Variants in EEA1 observed in about 807,000 individuals in gnomAD.
EEA1 encodes early endosome antigen 1, 162kD.
A neutral mutation model predicts 209.2 loss-of-function variants in EEA1; 111 were observed. The ratio of observed to expected loss-of-function variants is 0.53; its 90% CI spans 0.45 to 0.62. The LOEUF (loss-of-function observed/expected upper bound fraction) is 0.62. Ranked by LOEUF, EEA1 falls within the 20% of genes least tolerant of loss-of-function variation. The probability of loss-of-function intolerance (pLI) is 0.00; values close to 1 mark genes in which losing one functional copy is unlikely to be tolerated. For missense variants in EEA1, 1,343 were observed against 1,530.8 expected, an observed-to-expected ratio of 0.88 and a Z score of 2.05; for synonymous variants, 536 against 540.6, an observed-to-expected ratio of 0.99 and a Z score of 0.12.
At chr12:92,832,394 A>G in intron 11 of EEA1, 118 bp downstream of exon 11, 1 of 964,852 alleles carries the variant, frequency 1.0e-6, no homozygotes, top group African/African-American at 1.7e-5. Flanking sequence ...GTTAAGAGTT[A>G]ATCTTTTAAA....
intron 1 of EEA1, among the ~76,000 whole-genome samples, chr12:92,903,368 C>A (rs889651991): frequency 1.3e-5 from 2 of 151,928 alleles, no homozygotes; most frequent in East Asian, 3.9e-4. Context: ...GAGGCTGAGG[C>A]AGGCAGATCA....
At chr12:92,916,498 C>T (rs1160427340) in intron 1 of EEA1, among the ~76,000 whole-genome samples, 2 of 149,862 alleles carry the variant, frequency 1.3e-5, no homozygotes, top group Non-Finnish European at 3.0e-5. Context: ...ACTAAAAATA[C>T]AAAAATTAGC....
chr12:92,781,182 T>C (rs562182199), intron 23 of EEA1, among the ~76,000 whole-genome samples: 1 of 152,256 alleles, frequency 6.6e-6, no homozygotes, highest in African/African-American at 2.4e-5. Flanking sequence ...AGTGCTGAGA[T>C]AACAGGCATG....
intron 2 of EEA1, among the ~76,000 whole-genome samples, chr12:92,871,235 C>T (rs867148857): frequency 6.6e-6 from 1 of 152,112 alleles, no homozygotes; most frequent in Non-Finnish European, 1.5e-5. Flanking sequence ...AGAGAAACCA[C>T]GCAGACTTCC....
rs1207516307 is a variant in EEA1 at position 92,852,933 on chromosome 12, G to T, written c.499C>A (p.Gln167Lys). ...MKDLFEQKAA[Q>K]LATEIADIKS... ...TTACCTGCAATTTCAGTAGCAAGTTGGGCTGCTTTCTGTTCAAATAAGTCT... is the reference window on the plus strand; with the variant it reads ...TTACCTGCAATTTCAGTAGCAAGTTTGGCTGCTTTCTGTTCAAATAAGTCT... Residue 167 changes from glutamine to lysine, a missense_variant, in exon 7 of 29, where the codon CAA becomes AAA. Physicochemically the swap from Gln to Lys is moderately conservative, Grantham distance 53 (BLOSUM62 1). This residue lies in a region of EEA1 where 1,307 missense variants were observed against 1,465.5 expected (regional missense o/e 0.89). Coordinates refer to ENST00000322349, the MANE Select transcript of EEA1 (RefSeq NM_003566.4). The T allele has an allele frequency of 2.5e-6, 4 of 1,609,950 alleles. No individual in the cohort carries two copies. The highest frequency in any genetic ancestry group is 3.4e-6 in the Non-Finnish European group (4 of 1,178,588).
At chr12:92,822,130 G>A (rs1401839328) in intron 13 of EEA1, among the ~76,000 whole-genome samples, 2 of 151,214 alleles carry the variant, frequency 1.3e-5, no homozygotes, top group Non-Finnish European at 2.9e-5. Flanking sequence ...CATTGTATCC[G>A]TTACCTCGTA....
chr12:92,853,678 A>G lies in EEA1; in HGVS notation c.406+237T>C, dbSNP rs538057016. 2.0e-5 allele frequency among the ~76,000 whole-genome samples: 3 copies of G among 152,298 alleles called. No homozygotes were observed. In the East Asian group the frequency reaches 5.8e-4, roughly 29 times the overall value. On this transcript the variant is annotated intron_variant, in intron 6 of 28. Transcript: ENST00000322349. ...AACCATATTAATGTAATATTCCAGA[A>G]GTTTCTTACTTCAAAATATAATGAA...
At chr12:92,846,953 AT>A (rs1478456199) in intron 9 of EEA1, among the ~76,000 whole-genome samples, 1 of 151,766 alleles carries the variant, frequency 6.6e-6, no homozygotes, top group East Asian at 1.9e-4. Flanking sequence ...TGAGATTTTA[AT>A]TTTTTTTCTT....
intron 9 of EEA1, among the ~76,000 whole-genome samples, 155 bp downstream of exon 9, chr12:92,850,956 C>T (rs1312342108): frequency 1.3e-5 from 2 of 152,070 alleles, no homozygotes; most frequent in Admixed American, 6.6e-5. Context: ...TGAGAGACCA[C>T]ATTGACTATA....
chr12:92,921,866 C>CAAAAA (rs756583756), intron 1 of EEA1, among the ~76,000 whole-genome samples: 6 of 83,446 alleles, frequency 7.2e-5, no homozygotes, highest in Non-Finnish European at 6.6e-5. Context: ...GACTCTGTCT[C>CAAAAA]AAAAAAAAAA....
intron 11 of EEA1, among the ~76,000 whole-genome samples, chr12:92,831,838 C>T (rs1311406801): frequency 6.6e-6 from 1 of 151,302 alleles, no homozygotes; most frequent in Non-Finnish European, 1.5e-5. Context: ...GTAATCCCAG[C>T]ACTTTGGGAG....
chr12:92,869,744 T>A, intron 2 of EEA1, among the ~76,000 whole-genome samples: 1 of 95,080 alleles, frequency 1.1e-5, no homozygotes, highest in African/African-American at 4.3e-5. Context: ...CACAGTGAGA[T>A]TCTGCCTCAA....
At chr12:92,811,532 A>T in intron 16 of EEA1, 98 bp from the exon 17 acceptor site, 1 of 819,502 alleles carries the variant, frequency 1.2e-6, no homozygotes, top group South Asian at 4.0e-5. Flanking sequence ...TTTTATTTAA[A>T]AAAATATTTG....
At chr12:92,903,020 C>T (rs1226053505) in intron 1 of EEA1, among the ~76,000 whole-genome samples, 8 of 151,278 alleles carry the variant, frequency 5.3e-5, no homozygotes, top group South Asian at 4.2e-4. Flanking sequence ...CTGCAAGCTC[C>T]GCCTCCCGGG....
intron 14 of EEA1, among the ~76,000 whole-genome samples, chr12:92,817,689 C>T (rs1875858076): frequency 6.6e-6 from 1 of 152,182 alleles, no homozygotes; most frequent in South Asian, 2.1e-4. Context: ...GTTTCTGTTT[C>T]TTCACATGTG....
intron 10 of EEA1, among the ~76,000 whole-genome samples, chr12:92,841,285 C>G (rs1171640621): frequency 6.6e-6 from 1 of 151,392 alleles, no homozygotes; most frequent in Non-Finnish European, 1.5e-5. Context: ...AAATTAGACC[C>G]TTACCTTATA....
intron 18 of EEA1, among the ~76,000 whole-genome samples, chr12:92,807,262 T>TA (rs1042118022): frequency 4.6e-5 from 7 of 151,992 alleles, no homozygotes; most frequent in African/African-American, 9.7e-5. Context: ...AATTTTTTTT[T>TA]TATATATAAC....
At chr12:92,904,060 T>G (rs1388961919) in intron 1 of EEA1, among the ~76,000 whole-genome samples, 1 of 152,040 alleles carries the variant, frequency 6.6e-6, no homozygotes, top group African/African-American at 2.4e-5. Context: ...CCTCCCGGGT[T>G]CAAGCGATTC....
chr12:92,818,455 C>T (rs1264792635), intron 14 of EEA1, among the ~76,000 whole-genome samples: 2 of 152,192 alleles, frequency 1.3e-5, no homozygotes, highest in Non-Finnish European at 2.9e-5. Flanking sequence ...TAGGTATTAA[C>T]TATCCCAATA....
Sources: gnomAD v4.1 joint callset for allele counts (sites outside exome capture counted in the v4.1 genomes callset) on GRCh38, gnomAD v4.1.1 for gene constraint, gnomAD v4.1.1 regional missense constraint, MANE v1.5 for transcripts, NCBI Gene and HGNC (gene_info 2026-07-23, HGNC 2026-07-21) for gene names.